Variants in CNTNAP5 observed in about 807,000 individuals in gnomAD.
CNTNAP5 encodes the protein contactin-associated protein-like 5.
Under a neutral mutation model 150.2 loss-of-function variants are expected in CNTNAP5, and 72 were observed. The ratio of observed to expected loss-of-function variants is 0.48; its 90% confidence interval spans 0.40 to 0.58. The LOEUF (loss-of-function observed/expected upper bound fraction) is 0.58, where lower values mean the gene tolerates loss of function less well. Ranked by LOEUF, CNTNAP5 falls within the 20% of genes least tolerant of loss-of-function variation. The pLI, the probability that CNTNAP5 is intolerant of heterozygous loss-of-function variation, is 0.00. For synonymous variants in CNTNAP5, 672 were observed against 619.8 expected, an observed-to-expected ratio of 1.08 and a Z score of -1.25; for missense variants, 1,636 against 1,626.2, an observed-to-expected ratio of 1.01 and a Z score of -0.10.
At chr2:124,675,890 T>G (rs565975116) in intron 13 of CNTNAP5, among the ~76,000 whole-genome samples, 1 of 152,248 alleles carries the variant, frequency 6.6e-6, no homozygotes, top group East Asian at 1.9e-4. Context: ...TGTTGACTTT[T>G]GTTCTGTGTA....
intron 19 of CNTNAP5, among the ~76,000 whole-genome samples, chr2:124,821,191 G>C (rs1000567455): frequency 6.6e-6 from 1 of 152,168 alleles, no homozygotes; most frequent in African/African-American, 2.4e-5. Context: ...AGTTAATAAG[G>C]CTTGTGGGCC....
At chr2:124,662,670 A>G (rs564547542) in intron 13 of CNTNAP5, among the ~76,000 whole-genome samples, 1 of 152,314 alleles carries the variant, frequency 6.6e-6, no homozygotes, top group East Asian at 1.9e-4. Flanking sequence ...ATGTCAAGAG[A>G]GAATGAAGGT....
At chr2:124,875,760 G>GTT (rs1209819112) in intron 21 of CNTNAP5, among the ~76,000 whole-genome samples, 1 of 141,928 alleles carries the variant, frequency 7.0e-6, no homozygotes, top group Non-Finnish European at 1.5e-5. Context: ...GACTGTAAGT[G>GTT]TAACTTCCAG....
At chr2:124,669,288 C>T (rs1277166073) in intron 13 of CNTNAP5, among the ~76,000 whole-genome samples, 1 of 152,204 alleles carries the variant, frequency 6.6e-6, no homozygotes, top group South Asian at 2.1e-4. Context: ...TCAAGCTCTA[C>T]AGCCGCCAAA....
chr2:124,681,014 G>A (rs1465757920), intron 13 of CNTNAP5: 4 of 151,638 alleles, frequency 2.6e-5, no homozygotes, highest in East Asian at 1.9e-4. Context: ...GACCGGGTGC[G>A]GGGCTCATGC....
chr2:124,124,842 C>G (rs1416320600), intron 1 of CNTNAP5, among the ~76,000 whole-genome samples: 1 of 152,194 alleles, frequency 6.6e-6, no homozygotes, highest in East Asian at 1.9e-4. Flanking sequence ...GAAATAAAAT[C>G]CTTTACAGAC....
At chr2:124,225,264 C>T (rs192979208) in intron 2 of CNTNAP5, among the ~76,000 whole-genome samples, 2 of 152,224 alleles carry the variant, frequency 1.3e-5, no homozygotes, top group East Asian at 3.9e-4. Context: ...CACAACTACC[C>T]TTTATGTAGA....
chr2:124,322,395 G>A (rs994905267), intron 3 of CNTNAP5, among the ~76,000 whole-genome samples: 2 of 152,016 alleles, frequency 1.3e-5, no homozygotes, highest in Non-Finnish European at 2.9e-5. Context: ...ACCACCAAGT[G>A]TTAGTTTGTT....
chr2:124,332,213 A>C (rs1689365352), intron 3 of CNTNAP5, among the ~76,000 whole-genome samples: 2 of 151,516 alleles, frequency 1.3e-5, no homozygotes, highest in Admixed American at 1.3e-4. Flanking sequence ...AAACCTCTAC[A>C]TTGGACAAAA....
chr2:124,362,165 G>T (rs375637338), intron 3 of CNTNAP5, among the ~76,000 whole-genome samples: 1 of 152,162 alleles, frequency 6.6e-6, no homozygotes, highest in African/African-American at 2.4e-5. Context: ...GCCCTGCTTC[G>T]GCTGGCGCAT....
chr2:124,553,044 TCTGG>T (rs1695664701), intron 10 of CNTNAP5, among the ~76,000 whole-genome samples: 1 of 424 alleles, frequency 2.4e-3, no homozygotes, highest in Non-Finnish European at 0.012. Flanking sequence ...ATATTCTATT[TCTGG>T]GAAAGAAATA....
intron 21 of CNTNAP5, among the ~76,000 whole-genome samples, chr2:124,885,727 T>C (rs1195667781): frequency 1.3e-5 from 2 of 152,036 alleles, no homozygotes; most frequent in African/African-American, 4.8e-5. Flanking sequence ...ATTTGTCACA[T>C]TTTGTATCTC....
At chr2:124,256,653 C>A (rs959950084) in intron 3 of CNTNAP5, among the ~76,000 whole-genome samples, 2 of 152,166 alleles carry the variant, frequency 1.3e-5, no homozygotes, top group South Asian at 4.2e-4. Context: ...AGAAAAGATG[C>A]CCAATAGAAC....
In CNTNAP5 at chr2:124,125,563, C is replaced by G. The variant is rs35701555; in HGVS notation, c.83-96142C>G. Among the ~76,000 whole-genome samples, 34 of 152,154 alleles carry G rather than the reference C, an allele frequency of 2.2e-4. No homozygotes were observed. In the South Asian group the frequency reaches 2.7e-3, roughly 12 times the overall value. On this transcript the variant is annotated intron_variant, in intron 1 of 23. Coordinates refer to ENST00000682447, the MANE Select transcript of CNTNAP5 (RefSeq NM_001367498.1). ...GAACTCAGATCTGCACCAAGTGGAC[C>G]TAATAGACATCTACAGAACTCTCCA...
intron 1 of CNTNAP5, among the ~76,000 whole-genome samples, chr2:124,053,370 C>A (rs1482591430): frequency 6.6e-6 from 1 of 152,138 alleles, no homozygotes; most frequent in Non-Finnish European, 1.5e-5. Flanking sequence ...AAACTAAATA[C>A]TTGTACATAC....
chr2:124,535,731 C>T (rs889518964), intron 10 of CNTNAP5, among the ~76,000 whole-genome samples: 14 of 151,866 alleles, frequency 9.2e-5, no homozygotes, highest in East Asian at 3.9e-4. Context: ...GAGCCGAGAT[C>T]GCGCCACTGC....
Position 124,361,413 on chromosome 2 carries a change from T to C in CNTNAP5, c.382-56030T>C, listed in dbSNP as rs900750884. Reference sequence around the variant, plus strand: ...CATTTTAGAGTTTCCAGATTTTCTGTTCTGTTTTTTCCCCATCTTTGTGGT... The same window carrying C: ...CATTTTAGAGTTTCCAGATTTTCTGCTCTGTTTTTTCCCCATCTTTGTGGT... On this transcript the variant is annotated intron_variant, in intron 3 of 23. Coordinates refer to ENST00000682447, the MANE Select transcript of CNTNAP5 (RefSeq NM_001367498.1). Among the ~76,000 whole-genome samples, 6 of 143,640 alleles carry C rather than the reference T, an allele frequency of 4.2e-5. 1 individual carries two copies. The highest frequency in any genetic ancestry group is 1.6e-4 in the African/African-American group (6 of 38,450). 94.2% of individuals were successfully genotyped at this position (143,640 alleles called of 152,430 possible).
intron 3 of CNTNAP5, among the ~76,000 whole-genome samples, chr2:124,254,243 C>T (rs1002315873): frequency 2.6e-5 from 4 of 152,202 alleles, no homozygotes; most frequent in East Asian, 1.9e-4. Context: ...CCAAAAGACA[C>T]ATTTCTTCCC....
chr2:124,733,826 C>A (rs928156158), intron 13 of CNTNAP5, among the ~76,000 whole-genome samples: 2 of 152,162 alleles, frequency 1.3e-5, no homozygotes, highest in Non-Finnish European at 2.9e-5. Flanking sequence ...AGTGAGCCCA[C>A]ACTGCAGATT....
Sources: gnomAD v4.1 joint callset for allele counts (sites outside exome capture counted in the v4.1 genomes callset) on GRCh38, gnomAD v4.1.1 for gene constraint, MANE v1.5 for transcripts, NCBI Gene and HGNC (gene_info 2026-07-23, HGNC 2026-07-21) for gene names.